The following KIF3A variants were observed in gnomAD, a reference collection of about 807,000 sequenced individuals.
KIF3A encodes kinesin-like protein KIF3A.
In KIF3A, 27 loss-of-function variants were observed where a neutral mutation model predicts 92.6. The observed-to-expected ratio is 0.29, with a 90% CI of 0.21 to 0.40. The LOEUF (loss-of-function observed/expected upper bound fraction) is 0.40, where lower values mean the gene tolerates loss of function less well. KIF3A is among the 10% of genes least tolerant of loss of function. The pLI is 1.00. For missense variants in KIF3A, 581 were observed against 872.6 expected, an observed-to-expected ratio of 0.67 and a Z score of 4.21; for synonymous variants, 250 against 275.4, an observed-to-expected ratio of 0.91 and a Z score of 0.92.
At chr5:132,716,166 T>A in intron 7 of KIF3A, 79 bp downstream of exon 7, 1 of 1,213,288 alleles carries the variant, frequency 8.2e-7, no homozygotes, top group Middle Eastern at 2.7e-4. Context: ...GTTTAAAAAA[T>A]GTGATACGTA....
intron 1 of KIF3A, among the ~76,000 whole-genome samples, chr5:132,736,520 G>A (rs1365130346): frequency 6.6e-6 from 1 of 152,204 alleles, no homozygotes; most frequent in Non-Finnish European, 1.5e-5. Flanking sequence ...TCAAGAACCT[G>A]ACTGGTGTTG....
At chr5:132,734,775 T>G (rs1297192248) in intron 1 of KIF3A, among the ~76,000 whole-genome samples, 2 of 152,198 alleles carry the variant, frequency 1.3e-5, no homozygotes, top group African/African-American at 2.4e-5. Flanking sequence ...GATCATCTTT[T>G]TGCACAAAAG....
Position 132,696,600 on chromosome 5 carries a change from A to C in KIF3A, c.*34T>G. On this transcript the variant is annotated 3_prime_UTR_variant, in exon 19 of 19. Coordinates refer to ENST00000403231, the MANE Select transcript of KIF3A (RefSeq NM_001300791.2). ...GATTTTGTCCAGGCATGAGAATATC[A>C]CTAATTTTTATTGTGACTTTAAGTC... The C allele has an allele frequency of 2.9e-6, 4 of 1,367,436 alleles. No individual in the cohort carries two copies. The highest frequency in any genetic ancestry group is 4.2e-6 in the Non-Finnish European group (4 of 959,406). The allele number at this position is 1,367,436 out of a possible 1,614,324, so 84.7% of individuals were successfully genotyped here.
At chr5:132,726,954 C>T (rs542533309) in intron 2 of KIF3A, among the ~76,000 whole-genome samples, 7 of 152,226 alleles carry the variant, frequency 4.6e-5, no homozygotes, top group South Asian at 2.1e-4. Flanking sequence ...TCTCCTCAAC[C>T]GTAAAATGGG....
At chr5:132,720,506 T>G in intron 5 of KIF3A, 103 bp downstream of exon 5, 2 of 614,904 alleles carry the variant, frequency 3.3e-6, no homozygotes, top group South Asian at 4.8e-5. Context: ...TCAAGAAACC[T>G]AAAAAATCCA....
chr5:132,721,428 A>G (rs1753818795), intron 4 of KIF3A: 1 of 152,218 alleles, frequency 6.6e-6, no homozygotes, highest in South Asian at 2.1e-4. Context: ...TCATCTCTAC[A>G]AACCAAAAGA....
At position 132,694,789 on chromosome 5, in the gene KIF3A, C is replaced by T. The variant is rs1426446433; in HGVS notation, c.*1845G>A. On this transcript the variant is annotated 3_prime_UTR_variant, in exon 19 of 19. Coordinates refer to ENST00000403231, the MANE Select transcript of KIF3A (RefSeq NM_001300791.2). The stretch of plus-strand genomic sequence containing the variant: ...ACTCTTCACAGTATCTAAACAATGC[C>T]CCACAGAGTTAAGTAATAAATTTCT... 1.3e-5 allele frequency: 2 copies of T among 152,318 alleles called. No homozygotes were observed. Among genetic ancestry groups the T allele is most frequent in the East Asian group, 3.8e-4 (2 of 5,320 alleles). 9.4% of individuals were successfully genotyped at this position (152,318 alleles called of 1,614,324 possible). A position where few individuals can be genotyped will look rare whatever the true frequency, so the allele number is the denominator to read the frequency against.
chr5:132,718,861 T>C (rs1753730924), intron 5 of KIF3A, among the ~76,000 whole-genome samples: 1 of 152,122 alleles, frequency 6.6e-6, no homozygotes, highest in Admixed American at 6.5e-5. Flanking sequence ...ACTCCTGAGT[T>C]CAGGAAATCT....
intron 1 of KIF3A, among the ~76,000 whole-genome samples, chr5:132,735,820 G>A (rs1754371811): frequency 6.6e-6 from 1 of 152,198 alleles, no homozygotes; most frequent in South Asian, 2.1e-4. Context: ...CCTTAAGGTG[G>A]TCTGTAAGGT....
intron 11 of KIF3A, among the ~76,000 whole-genome samples, chr5:132,705,877 T>TA (rs1034771527): frequency 7.2e-5 from 11 of 152,132 alleles, no homozygotes; most frequent in African/African-American, 1.4e-4. Context: ...GACTTTTTTT[T>TA]AAAAAAACCT....
intron 2 of KIF3A, among the ~76,000 whole-genome samples, chr5:132,730,653 G>C (rs182860815): frequency 6.6e-6 from 1 of 151,914 alleles, no homozygotes; most frequent in East Asian, 1.9e-4. Flanking sequence ...AGCTGGGCAT[G>C]GTGCGGTGGC....
In KIF3A at chr5:132,715,896, A is replaced by G; in HGVS notation, c.990T>C (p.Asp330=). ...ANIGPADYNY[D]ETISTLRYAN... is the part of the protein sequence containing the mutation. ...CATACCGTAATGTACTGATAGTTTC[A>G]TCATAATTGTAATCTGCTGGCCCAA... Residue 330 remains aspartate (D), a synonymous_variant, in exon 8 of 19, where the codon GAT becomes GAC. Coordinates refer to ENST00000403231, the MANE Select transcript of KIF3A (RefSeq NM_001300791.2). 6.2e-7 allele frequency: 1 copy of G among 1,601,458 alleles called. No individual in the cohort carries two copies. The highest frequency in any genetic ancestry group is 8.5e-7 in the Non-Finnish European group (1 of 1,174,668).
At chr5:132,713,464 TA>T (rs1753501465) in intron 8 of KIF3A, among the ~76,000 whole-genome samples, 1 of 152,220 alleles carries the variant, frequency 6.6e-6, no homozygotes, top group African/African-American at 2.4e-5. Context: ...TTTTTAAGTT[TA>T]AAAATTATTA....
intron 16 of KIF3A, 172 bp from the exon 17 acceptor site, chr5:132,700,456 A>G (rs1752994396): frequency 1.5e-6 from 1 of 647,814 alleles, no homozygotes; most frequent in Non-Finnish European, 2.8e-6. Context: ...AACTCTGACC[A>G]TTTCCACCCA....
intron 16 of KIF3A, 75 bp downstream of exon 16, chr5:132,700,572 C>T: frequency 2.0e-6 from 2 of 1,013,724 alleles, no homozygotes; most frequent in Non-Finnish European, 1.6e-6. Flanking sequence ...TTCCTCCCCA[C>T]TGTAGCCAGC....
chr5:132,715,217 T>C (rs1753578096), intron 8 of KIF3A, among the ~76,000 whole-genome samples: 1 of 152,202 alleles, frequency 6.6e-6, no homozygotes, highest in Non-Finnish European at 1.5e-5. Flanking sequence ...AAATAAGATC[T>C]TCAAATTTTC....
In KIF3A at chr5:132,702,091, T is replaced by A. The variant is rs769126220; in HGVS notation, c.1880A>T (p.Tyr627Phe). ...GTCAGAGAACTTCCTTTTTACCTGA[T>A]AATCCCGAGGTATAAAGTTATCAAT... Reference protein sequence around the residue: ...LIIDNFIPRDYQEMIENYVHW... With the variant: ...LIIDNFIPRDFQEMIENYVHW... Residue 627 changes from tyrosine to phenylalanine, a missense_variant, in exon 15 of 19, where the codon TAT becomes TTT. By Grantham distance (22) the Tyr-to-Phe change is conservative (BLOSUM62 3). This residue lies in a region of KIF3A where 112 missense variants were observed against 144.3 expected (regional missense o/e 0.78). Coordinates refer to ENST00000403231, the MANE Select transcript of KIF3A (RefSeq NM_001300791.2). The A allele has an allele frequency of 6.2e-7, 1 of 1,608,012 alleles. No individual in the cohort carries two copies. Among genetic ancestry groups the A allele is most frequent in the Non-Finnish European group, 8.5e-7 (1 of 1,175,768 alleles).
intron 8 of KIF3A, among the ~76,000 whole-genome samples, chr5:132,711,757 A>G (rs1254837694): frequency 6.6e-6 from 1 of 152,138 alleles, no homozygotes; most frequent in Non-Finnish European, 1.5e-5. Flanking sequence ...AATTCATTCA[A>G]TCTGTATTTT....
chr5:132,689,311 C>T (rs889265333), downstream of KIF3A, among the ~76,000 whole-genome samples: 20 of 152,128 alleles, frequency 1.3e-4, no homozygotes, highest in East Asian at 5.8e-4. Flanking sequence ...CACAGGCTAA[C>T]GGTGGTCTTC....
Sources: gnomAD v4.1 joint callset for allele counts (sites outside exome capture counted in the v4.1 genomes callset) on GRCh38, gnomAD v4.1.1 for gene constraint, gnomAD v4.1.1 regional missense constraint, MANE v1.5 for transcripts, NCBI Gene and HGNC (gene_info 2026-07-23, HGNC 2026-07-21) for gene names.